Variants in LNPK observed in about 807,000 individuals in gnomAD.
The protein encoded by LNPK is lunapark, ER junction formation factor, also known as endoplasmic reticulum junction formation protein lunapark.
LNPK carries 29 observed loss-of-function variants against 55.2 expected under a neutral mutation model. The observed-to-expected ratio is 0.53, with a 90% confidence interval of 0.39 to 0.72. The LOEUF (loss-of-function observed/expected upper bound fraction) is 0.72. Ranked by LOEUF, LNPK falls within the 30% of genes least tolerant of loss-of-function variation. The pLI, the probability that LNPK is intolerant of heterozygous loss-of-function variation, is 0.00. For missense variants in LNPK, 467 were observed against 494.8 expected, an observed-to-expected ratio of 0.94 and a Z score of 0.53; for synonymous variants, 162 against 168.2, an observed-to-expected ratio of 0.96 and a Z score of 0.29.
chr2:175,939,077 T>A (rs1053697128), intron 10 of LNPK, among the ~76,000 whole-genome samples: 15 of 152,244 alleles, frequency 9.9e-5, no homozygotes, highest in South Asian at 2.1e-4. Context: ...ATGAATTTTT[T>A]AAAAATCTAT....
intron 5 of LNPK, among the ~76,000 whole-genome samples, chr2:175,975,887 C>A (rs1686886045): frequency 6.6e-6 from 1 of 152,136 alleles, no homozygotes; most frequent in Non-Finnish European, 1.5e-5. Context: ...GTGGCGGGTG[C>A]CTGTAATCCC....
chr2:175,961,607 G>T (rs530801904), intron 8 of LNPK, among the ~76,000 whole-genome samples: 1 of 152,260 alleles, frequency 6.6e-6, no homozygotes. Flanking sequence ...TATTGAATGG[G>T]CAAAAACTGG....
In LNPK at chr2:175,979,526, C is replaced by T. The variant is rs372738426; in HGVS notation, c.316+284G>A. On this transcript the variant is annotated intron_variant, in intron 5 of 12. Coordinates refer to ENST00000272748, the MANE Select transcript of LNPK (RefSeq NM_030650.3). ...TGAGCCGAGATCGTGCCACTGCACTCCTGCCTGGGCGACAGGCTCTTCCTA... is the reference window on the plus strand; with the variant it reads ...TGAGCCGAGATCGTGCCACTGCACTTCTGCCTGGGCGACAGGCTCTTCCTA... Among the ~76,000 whole-genome samples the T allele has an allele frequency of 1.2e-4, 19 of 152,010 alleles. No individual in the cohort carries two copies. In the East Asian group the frequency reaches 3.1e-3, roughly 25 times the overall value.
At chr2:175,941,060 C>T (rs1290162108) in intron 9 of LNPK, 1 of 431,776 alleles carries the variant, frequency 2.3e-6, no homozygotes, top group Admixed American at 2.6e-5. Context: ...CCAGCCTGGG[C>T]AATATGAGGA....
chr2:175,932,217 G>A (rs186788789), intron 12 of LNPK: 345 of 451,930 alleles, frequency 7.6e-4, no homozygotes, highest in Non-Finnish European at 1.3e-3. Context: ...GTTTTGTGAT[G>A]TTACTATTTT....
intron 5 of LNPK, among the ~76,000 whole-genome samples, chr2:175,971,785 A>T (rs1178147805): frequency 1.3e-5 from 2 of 152,224 alleles, no homozygotes; most frequent in Admixed American, 6.5e-5. Context: ...TAACATCTTC[A>T]AAGAGAATAG....
intron 8 of LNPK, among the ~76,000 whole-genome samples, chr2:175,953,941 C>T (rs529061666): frequency 6.6e-6 from 1 of 152,172 alleles, no homozygotes; most frequent in South Asian, 2.1e-4. Context: ...TCATATGACC[C>T]CTACTTTCCT....
intron 4 of LNPK, among the ~76,000 whole-genome samples, chr2:175,984,989 T>C (rs1377224023): frequency 2.6e-5 from 4 of 152,232 alleles, no homozygotes; most frequent in Non-Finnish European, 4.4e-5. Context: ...AGTTAAACTA[T>C]GATACATTAA....
chr2:176,001,732 C>G (rs1224338617), intron 1 of LNPK, among the ~76,000 whole-genome samples: 3 of 152,172 alleles, frequency 2.0e-5, no homozygotes, highest in Non-Finnish European at 4.4e-5. Flanking sequence ...AGAGAACGCT[C>G]AAAGCGGACA....
chr2:175,996,644 C>G (rs893378552), intron 1 of LNPK, among the ~76,000 whole-genome samples: 5 of 152,156 alleles, frequency 3.3e-5, no homozygotes, highest in African/African-American at 1.2e-4. Flanking sequence ...GTCCCTTTAT[C>G]TTCAGATTTC....
At chr2:175,951,696 G>A (rs1275266447) in intron 8 of LNPK, among the ~76,000 whole-genome samples, 1 of 150,392 alleles carries the variant, frequency 6.6e-6, no homozygotes, top group Non-Finnish European at 1.5e-5. Context: ...CTATAAACAT[G>A]TATGTGCAAG....
intron 5 of LNPK, among the ~76,000 whole-genome samples, chr2:175,974,110 T>C (rs1053653325): frequency 3.3e-5 from 5 of 152,170 alleles, no homozygotes; most frequent in Admixed American, 2.0e-4. Context: ...GGGAATATGA[T>C]GATAAGTAGT....
intron 4 of LNPK, among the ~76,000 whole-genome samples, chr2:175,986,677 T>C (rs1687430164): frequency 6.6e-6 from 1 of 152,000 alleles, no homozygotes; most frequent in South Asian, 2.1e-4. Context: ...CAAGAGAAGA[T>C]GAAAAATCAT....
intron 5 of LNPK, among the ~76,000 whole-genome samples, chr2:175,977,303 TA>T (rs1364237601): frequency 6.6e-6 from 1 of 152,168 alleles, no homozygotes; most frequent in Non-Finnish European, 1.5e-5. Flanking sequence ...TTAAGCTATT[TA>T]AAATCCAGTT....
chr2:175,984,462 C>T (rs1006602145), intron 4 of LNPK, among the ~76,000 whole-genome samples: 3 of 152,124 alleles, frequency 2.0e-5, no homozygotes, highest in African/African-American at 7.2e-5. Context: ...GCGTGAACCA[C>T]TGCACCCGGC....
intron 8 of LNPK, among the ~76,000 whole-genome samples, chr2:175,959,788 C>A (rs1462604792): frequency 6.6e-6 from 1 of 151,996 alleles, no homozygotes; most frequent in Non-Finnish European, 1.5e-5. Flanking sequence ...AGTCAAGACC[C>A]ATCAGTGTGC....
At position 175,929,029 on chromosome 2, in the gene LNPK, T is replaced by C. The variant is rs1050227067; in HGVS notation, c.*938A>G. On this transcript the variant is annotated 3_prime_UTR_variant, in exon 13 of 13. Transcript: ENST00000272748. ...AAGCAGAATCTACAGATTTATTGTA[T>C]TGTGAGCTATTCCTCCTAAGATTTT... The C allele has an allele frequency of 1.5e-6, 1 of 686,842 alleles. No individual in the cohort carries two copies. Among genetic ancestry groups the C allele is most frequent in the Non-Finnish European group, 1.8e-6 (1 of 556,806 alleles). The allele number at this position is 686,842 out of a possible 1,614,324, so 42.5% of individuals were successfully genotyped here. A position where few individuals can be genotyped will look rare whatever the true frequency, so the allele number is the denominator to read the frequency against.
intron 6 of LNPK, chr2:175,967,794 T>C (rs1002067242): frequency 4.1e-6 from 4 of 965,574 alleles, no homozygotes; most frequent in East Asian, 1.1e-4. Context: ...TCTTCTGTTA[T>C]TGTGTAGCCT....
chr2:175,963,814 T>C (rs1686194747), intron 8 of LNPK, among the ~76,000 whole-genome samples: 1 of 152,044 alleles, frequency 6.6e-6, no homozygotes. Context: ...AACCACTTAA[T>C]ATAATGACGG....
Sources: allele counts gnomAD v4.1 joint callset (sites outside exome capture counted in the v4.1 genomes callset), GRCh38; gene constraint gnomAD v4.1.1; transcripts MANE v1.5; gene names NCBI Gene and HGNC (gene_info 2026-07-23, HGNC 2026-07-21).